SEC14L1: variants seen among roughly 807,000 people sequenced by gnomAD.
The protein encoded by SEC14L1 is SEC14-like protein 1.
In SEC14L1, 48 loss-of-function variants were observed where a neutral mutation model predicts 85.3. That is an observed-to-expected ratio of 0.56 (90% CI 0.45 to 0.72). The LOEUF (loss-of-function observed/expected upper bound fraction) is 0.72, where lower values mean the gene tolerates loss of function less well. SEC14L1 is among the 30% of genes least tolerant of loss of function. The pLI, the probability that SEC14L1 is intolerant of heterozygous loss-of-function variation, is 0.00. For missense variants in SEC14L1, 682 were observed against 921.4 expected (o/e 0.74, Z 3.36); for synonymous variants, 391 against 355.5 (o/e 1.10, Z -1.12).
chr17:77,170,424 C>T lies in SEC14L1; in HGVS notation c.64-20379C>T, dbSNP rs995387755. On this transcript the variant is annotated intron_variant, in intron 3 of 16. Coordinates refer to ENST00000436233, the MANE Select transcript of SEC14L1 (RefSeq NM_001143998.2). Reference sequence around the variant, plus strand: ...AGCTTTTCTTCTTTCCAACTTCTGACGAGGACGTAATCTCTGGGCTGGTGA... The same window carrying T: ...AGCTTTTCTTCTTTCCAACTTCTGATGAGGACGTAATCTCTGGGCTGGTGA... Among the ~76,000 whole-genome samples the T allele has an allele frequency of 2.0e-5, 3 of 152,096 alleles. No homozygotes were observed. In the East Asian group the frequency reaches 5.8e-4, roughly 29 times the overall value.
At chr17:77,105,264 G>C (rs903084645) in intron 3 of SEC14L1, among the ~76,000 whole-genome samples, 1 of 151,930 alleles carries the variant, frequency 6.6e-6, no homozygotes, top group Non-Finnish European at 1.5e-5. Flanking sequence ...CCACTCCAGG[G>C]CCATGGTGAC....
At chr17:77,114,415 T>G (rs1972121688) in intron 3 of SEC14L1, among the ~76,000 whole-genome samples, 1 of 151,532 alleles carries the variant, frequency 6.6e-6, no homozygotes. Context: ...TCCCAGCCAC[T>G]CAGGAGGCTG....
intron 3 of SEC14L1, among the ~76,000 whole-genome samples, chr17:77,134,486 G>A (rs1012222413): frequency 6.6e-6 from 1 of 152,130 alleles, no homozygotes; most frequent in African/African-American, 2.4e-5. Context: ...GGGAGGTGGA[G>A]GTGGGTGATC....
Position 77,206,663 on chromosome 17 carries a change from T to A in SEC14L1, c.1342-65T>A. ...CCCTCCCACTCAGAATACCACATTG[T>A]CATTTTAATCTTGGACACTCAGGCA... On this transcript the variant is annotated intron_variant, in intron 12 of 16. Transcript: ENST00000436233. This position sits in a 1 kb window ranked among gnomAD's most constrained non-coding sequence, Gnocchi z 4.3. The A allele has an allele frequency of 6.5e-7, 1 of 1,544,574 alleles. No homozygotes were observed. Among genetic ancestry groups the A allele is most frequent in the Non-Finnish European group, 8.7e-7 (1 of 1,144,228 alleles).
chr17:77,142,450 T>G (rs560162071), intron 1 of SEC14L1, among the ~76,000 whole-genome samples, 196 bp from the exon 2 acceptor site: 1 of 150,174 alleles, frequency 6.7e-6, no homozygotes, highest in East Asian at 2.0e-4. Flanking sequence ...CCCAGCTACT[T>G]GGGAGGCTGA....
In SEC14L1 at chr17:77,089,243, A is replaced by G; in HGVS notation, c.-268A>G. 5 of 364,698 alleles carry G rather than the reference A, an allele frequency of 1.4e-5. No homozygotes were observed. In the Admixed American group the frequency reaches 1.7e-4, roughly 13 times the overall value. 22.6% of individuals were successfully genotyped at this position (364,698 alleles called of 1,614,324 possible). A position where few individuals can be genotyped will look rare whatever the true frequency, so the allele number is the denominator to read the frequency against. Reference sequence around the variant, plus strand: ...CTTCCTGCCCCTCGTTGATGAGAGCATTCGAAGTGACCTCAGCAGGGCATC... The same window carrying G: ...CTTCCTGCCCCTCGTTGATGAGAGCGTTCGAAGTGACCTCAGCAGGGCATC... On this transcript the variant is annotated 5_prime_UTR_variant, in exon 2 of 20. Transcript: ENST00000392476.
At chr17:77,134,296 C>T (rs1309357032) in intron 3 of SEC14L1, among the ~76,000 whole-genome samples, 3 of 151,016 alleles carry the variant, frequency 2.0e-5, no homozygotes, top group Non-Finnish European at 4.4e-5. Context: ...GGCACCGAGG[C>T]TGTAGTGCAG....
chr17:77,092,671 G>A (rs1359076735), intron 2 of SEC14L1, among the ~76,000 whole-genome samples: 2 of 152,042 alleles, frequency 1.3e-5, no homozygotes, highest in South Asian at 2.1e-4. Flanking sequence ...GGTTAGAGCC[G>A]GGCGTGGTGG....
intron 2 of SEC14L1, among the ~76,000 whole-genome samples, chr17:77,090,908 T>A (rs894129876): frequency 7.0e-6 from 1 of 143,708 alleles, no homozygotes; most frequent in Non-Finnish European, 1.6e-5. Flanking sequence ...GGCTTAAAGC[T>A]GCAGTGAGTC....
At chr17:77,156,348 G>A (rs918488661) in intron 3 of SEC14L1, among the ~76,000 whole-genome samples, 1 of 152,268 alleles carries the variant, frequency 6.6e-6, no homozygotes, top group Middle Eastern at 3.4e-3. Context: ...GCTGAGGCAG[G>A]CGGATCACTT....
intron 3 of SEC14L1, among the ~76,000 whole-genome samples, chr17:77,154,054 G>C (rs1441583208): frequency 2.0e-5 from 3 of 152,168 alleles, no homozygotes; most frequent in Non-Finnish European, 4.4e-5. Flanking sequence ...GATCAGAAAT[G>C]TTCAGGAAAA....
In SEC14L1 at chr17:77,216,253, C is replaced by A. The variant is rs111210944; in HGVS notation, c.*2230C>A. 435,063 of 639,754 alleles carry A rather than the reference C, an allele frequency of 0.68. 154,310 individuals carry two copies. The highest frequency in any genetic ancestry group is 0.8 in the African/African-American group (22,435 of 28,056). The allele number at this position is 639,754 out of a possible 1,614,324, so 39.6% of individuals were successfully genotyped here. On this transcript the variant is annotated 3_prime_UTR_variant, in exon 17 of 17. Transcript: ENST00000436233. ...GTAGGTAGGGTTCGTAGGTAGGGTT[C>A]GTAGGTAGGGTTCGTAGGTAGGGTT... is the stretch of plus-strand genomic sequence containing the variant.
intron 3 of SEC14L1, among the ~76,000 whole-genome samples, chr17:77,174,894 C>T (rs568101771): frequency 5.2e-4 from 79 of 152,356 alleles, no homozygotes; most frequent in African/African-American, 1.6e-3. Flanking sequence ...TTATCCCTAA[C>T]GCAGTTCCTG....
At chr17:77,119,958 C>T (rs1972257381) in intron 3 of SEC14L1, among the ~76,000 whole-genome samples, 1 of 152,196 alleles carries the variant, frequency 6.6e-6, no homozygotes, top group Non-Finnish European at 1.5e-5. Context: ...CCCTGACCCT[C>T]AGTCTGGATT....
chr17:77,206,598 T>G lies in SEC14L1; in HGVS notation c.1342-130T>G. 1 of 1,267,426 alleles carries G rather than the reference T, an allele frequency of 7.9e-7. No homozygotes were observed. The highest frequency in any genetic ancestry group is 1.1e-6 in the Non-Finnish European group (1 of 912,616). 78.5% of individuals were successfully genotyped at this position (1,267,426 alleles called of 1,614,324 possible). ...GTGTCCTAATGCCATGCAAATAGAC[T>G]TTACAGAAGAAGTATATAAACTTGA... On this transcript the variant is annotated intron_variant, in intron 12 of 16. Transcript: ENST00000436233. This position sits in a 1 kb window ranked among gnomAD's most constrained non-coding sequence, Gnocchi z 4.3.
chr17:77,200,591 G>A lies in SEC14L1; in HGVS notation c.927G>A (p.Gln309=). ...CQSLTWRKQH[Q]VDYILETWTP... is the part of the protein sequence containing the mutation. ...CTTTGACGTGGAGAAAGCAGCATCA[G>A]GTAGACTACATTCTTGAAACCTGGA... Residue 309 remains glutamine, a synonymous_variant, in exon 9 of 17, where the codon CAG becomes CAA. Coordinates refer to ENST00000436233, the MANE Select transcript of SEC14L1 (RefSeq NM_001143998.2). 6.2e-7 allele frequency: 1 copy of A among 1,614,120 alleles called. No homozygotes were observed. Among genetic ancestry groups the A allele is most frequent in the African/African-American group, 1.3e-5 (1 of 75,036 alleles).
intron 3 of SEC14L1, among the ~76,000 whole-genome samples, chr17:77,155,543 T>C (rs2143596373): frequency 6.6e-6 from 1 of 152,260 alleles, no homozygotes; most frequent in South Asian, 2.1e-4. Context: ...GGGCGCTCAC[T>C]TTGCTCTTCT....
At position 77,174,922 on chromosome 17, in the gene SEC14L1, T is replaced by C. The variant is rs1340965410; in HGVS notation, c.64-15881T>C. On this transcript the variant is annotated intron_variant, in intron 3 of 16. Coordinates refer to ENST00000436233, the MANE Select transcript of SEC14L1 (RefSeq NM_001143998.2). ...AGTTCCTGTCGGTGTCCTTCCCCTG[T>C]TGGCTAGGATTGGACTGTACAATCT... Among the ~76,000 whole-genome samples the C allele has an allele frequency of 5.9e-5, 9 of 152,330 alleles. No homozygotes were observed. The East Asian group carries it at 7.7e-4, about 13-fold the overall frequency.
rs1975810291 is a variant in SEC14L1, at chr17:77,196,434, T to G, written c.819+123T>G. The G allele has an allele frequency of 2.7e-5, 17 of 626,890 alleles. No homozygotes were observed. In the Admixed American group the frequency reaches 5.5e-4, roughly 20 times the overall value. 38.8% of individuals were successfully genotyped at this position (626,890 alleles called of 1,614,324 possible). ...CCACGGCTGGGAATGTTTCTTCCAG[T>G]TTAGAAGTCATTGAATTTATGTCTC... On this transcript the variant is annotated intron_variant, in intron 8 of 16. Transcript: ENST00000436233.
Sources: gnomAD v4.1 joint callset for allele counts (sites outside exome capture counted in the v4.1 genomes callset) on GRCh38, gnomAD v4.1.1 for gene constraint, Gnocchi (gnomAD v3.1) non-coding constraint, MANE v1.5 for transcripts, NCBI Gene and HGNC (gene_info 2026-07-23, HGNC 2026-07-21) for gene names.